Variants in MBNL2 observed in about 807,000 individuals in gnomAD.
The protein encoded by MBNL2 is muscleblind-like protein 2.
MBNL2 carries 17 observed loss-of-function variants against 41.9 expected under a neutral mutation model. The observed-to-expected ratio is 0.41, with a 90% CI of 0.28 to 0.61. The LOEUF (loss-of-function observed/expected upper bound fraction) is 0.61. Among genes scored for constraint, MBNL2 ranks in the 20% least tolerant of loss-of-function variants. MBNL2 has a pLI of 0.35. For synonymous variants in MBNL2, 195 were observed against 182.9 expected (o/e 1.07, Z -0.53); for missense variants, 336 against 505.6 (o/e 0.66, Z 3.22).
chr13:97,219,748 C>T (rs978467634), upstream of MBNL2, among the ~76,000 whole-genome samples: 2 of 152,222 alleles, frequency 1.3e-5, no homozygotes, highest in Non-Finnish European at 2.9e-5. Flanking sequence ...GGACACAATT[C>T]AGTCCACAGC....
upstream of MBNL2, among the ~76,000 whole-genome samples, chr13:97,218,114 G>A (rs2040524782): frequency 6.6e-6 from 1 of 152,076 alleles, no homozygotes; most frequent in African/African-American, 2.4e-5. Context: ...GTACATTTAG[G>A]TGAAGAATTG....
chr13:97,308,741 G>A (rs532382538), intron 2 of MBNL2, among the ~76,000 whole-genome samples: 5 of 152,288 alleles, frequency 3.3e-5, no homozygotes, highest in Admixed American at 3.3e-4. Flanking sequence ...GTTCACAAAA[G>A]ATACAAGCCT....
intron 1 of MBNL2, among the ~76,000 whole-genome samples, chr13:97,247,471 A>G (rs1294204514): frequency 6.6e-6 from 1 of 152,250 alleles, no homozygotes; most frequent in Non-Finnish European, 1.5e-5. Context: ...GGAGATGGCT[A>G]AACATGAACC....
the MBNL2 span, among the ~76,000 whole-genome samples, chr13:97,149,345 A>G: frequency 1.4e-4 from 22 of 152,164 alleles, no homozygotes; most frequent in Non-Finnish European, 1.8e-4. Context: ...GCGCATGCTT[A>G]GTAAATATTT....
chr13:97,374,063 A>ATTTTTTTTTTGTTTTTT (rs2064693201), intron 8 of MBNL2, among the ~76,000 whole-genome samples: 1 of 63,128 alleles, frequency 1.6e-5, no homozygotes, highest in Non-Finnish European at 3.1e-5. Flanking sequence ...CCTCCTTTGC[A>ATTTTTTTTTTGTTTTTT]TTTTTTTTTT....
At chr13:97,251,587 GTTA>G (rs1280889069) in intron 1 of MBNL2, among the ~76,000 whole-genome samples, 1 of 152,016 alleles carries the variant, frequency 6.6e-6, no homozygotes, top group Admixed American at 6.6e-5. Flanking sequence ...TTTTGTTGTT[GTTA>G]TTCTTCTTTG....
At chr13:97,164,634 T>C in the MBNL2 span, among the ~76,000 whole-genome samples, 1 of 152,062 alleles carries the variant, frequency 6.6e-6, no homozygotes, top group South Asian at 2.1e-4. Context: ...TTTTTTTTTT[T>C]GGTAAAGTGG....
chr13:97,208,092 A>C, the MBNL2 span, among the ~76,000 whole-genome samples: 1 of 152,206 alleles, frequency 6.6e-6, no homozygotes, highest in Non-Finnish European at 1.5e-5. Context: ...GCTTTCAAGG[A>C]CTGGTGTTGA....
At chr13:97,387,886 G>A (rs1453061110) in intron 8 of MBNL2, among the ~76,000 whole-genome samples, 3 of 152,192 alleles carry the variant, frequency 2.0e-5, no homozygotes, top group Admixed American at 6.5e-5. Flanking sequence ...TCAGAGAGGA[G>A]ACTGGCAGGA....
At chr13:97,377,540 C>G (rs1190575681) in intron 8 of MBNL2, among the ~76,000 whole-genome samples, 1 of 152,192 alleles carries the variant, frequency 6.6e-6, no homozygotes, top group Non-Finnish European at 1.5e-5. Flanking sequence ...ACCTAATTCC[C>G]TCCTTTTCTC....
the MBNL2 span, among the ~76,000 whole-genome samples, chr13:97,171,289 C>G: frequency 6.6e-6 from 1 of 152,152 alleles, no homozygotes; most frequent in Non-Finnish European, 1.5e-5. Flanking sequence ...GGAAACATAA[C>G]TATAGAGGCA....
intron 2 of MBNL2, among the ~76,000 whole-genome samples, chr13:97,277,071 A>G (rs1311610422): frequency 1.3e-5 from 2 of 152,216 alleles, no homozygotes; most frequent in Non-Finnish European, 2.9e-5. Flanking sequence ...AGGAACAGAC[A>G]GCAAAAACAT....
At chr13:97,215,131 C>G in the MBNL2 span, among the ~76,000 whole-genome samples, 5 of 152,198 alleles carry the variant, frequency 3.3e-5, no homozygotes, top group Admixed American at 2.6e-4. Context: ...CTGGGCATGT[C>G]CTGTAACCTT....
At chr13:97,381,087 G>A (rs1331755553) in intron 8 of MBNL2, among the ~76,000 whole-genome samples, 1 of 148,068 alleles carries the variant, frequency 6.8e-6, no homozygotes, top group Non-Finnish European at 1.5e-5. Context: ...CTCCCTCTCT[G>A]TCCCTCTCTT....
chr13:97,204,188 T>A, the MBNL2 span, among the ~76,000 whole-genome samples: 1 of 152,204 alleles, frequency 6.6e-6, no homozygotes, highest in East Asian at 1.9e-4. Context: ...AGCAACCATG[T>A]GACCTTCTCC....
chr13:97,340,209 C>T (rs1318480198), intron 3 of MBNL2, among the ~76,000 whole-genome samples: 1 of 152,228 alleles, frequency 6.6e-6, no homozygotes, highest in Non-Finnish European at 1.5e-5. Context: ...GAGTGAGCCT[C>T]TCTGCAAATC....
chr13:97,177,942 T>C, the MBNL2 span, among the ~76,000 whole-genome samples: 3 of 152,348 alleles, frequency 2.0e-5, no homozygotes, highest in Middle Eastern at 6.8e-3. Context: ...CAATTAAGTA[T>C]AAGCGTAAGT....
At chr13:97,382,239 A>G (rs2065519536) in intron 8 of MBNL2, among the ~76,000 whole-genome samples, 1 of 152,236 alleles carries the variant, frequency 6.6e-6, no homozygotes, top group Non-Finnish European at 1.5e-5. Flanking sequence ...AGAGACAGCC[A>G]TGGCCTTGGT....
intron 2 of MBNL2, among the ~76,000 whole-genome samples, chr13:97,318,082 C>G (rs960328450): frequency 7.2e-5 from 11 of 152,298 alleles, no homozygotes; most frequent in Admixed American, 3.9e-4. Flanking sequence ...CTTCCTCTTA[C>G]TAGCTGTGTC....
Sources: allele counts gnomAD v4.1 joint callset (sites outside exome capture counted in the v4.1 genomes callset), GRCh38; gene constraint gnomAD v4.1.1; transcripts MANE v1.5; gene names NCBI Gene and HGNC (gene_info 2026-07-23, HGNC 2026-07-21).